Variants in MAGI1 observed in about 807,000 individuals in gnomAD.
The protein encoded by MAGI1 is membrane associated guanylate kinase, WW and PDZ domain containing 1.
MAGI1 carries 58 observed loss-of-function variants against 139.9 expected under a neutral mutation model. The observed-to-expected ratio is 0.41, with a 90% CI of 0.34 to 0.52. The LOEUF (loss-of-function observed/expected upper bound fraction) is 0.52. Ranked by LOEUF, MAGI1 falls within the 20% of genes least tolerant of loss-of-function variation. The pLI, the probability that MAGI1 is intolerant of heterozygous loss-of-function variation, is 0.12. For synonymous variants in MAGI1, 812 were observed against 737.9 expected, an observed-to-expected ratio of 1.10 and a Z score of -1.63; for missense variants, 1,874 against 1,901.6, an observed-to-expected ratio of 0.99 and a Z score of 0.27.
chr3:65,538,144 C>G (rs1190178108), intron 2 of MAGI1, among the ~76,000 whole-genome samples: 1 of 152,078 alleles, frequency 6.6e-6, no homozygotes, highest in Non-Finnish European at 1.5e-5. Context: ...TCAACAAAAA[C>G]AAAGACATAA....
chr3:65,460,137 G>A (rs950145205), intron 5 of MAGI1, among the ~76,000 whole-genome samples: 2 of 152,062 alleles, frequency 1.3e-5, no homozygotes, highest in African/African-American at 2.4e-5. Flanking sequence ...TGCTTTTTCT[G>A]CATCGATTCA....
chr3:65,806,935 G>C (rs2040897706), intron 1 of MAGI1, among the ~76,000 whole-genome samples: 1 of 152,142 alleles, frequency 6.6e-6, no homozygotes, highest in African/African-American at 2.4e-5. Flanking sequence ...TGACATAGTT[G>C]ATGATGATAA....
At chr3:65,804,472 A>G (rs56175697) in intron 1 of MAGI1, among the ~76,000 whole-genome samples, 33,458 of 151,566 alleles carry the variant, frequency 0.22, 3,942 homozygotes, top group East Asian at 0.42. Flanking sequence ...TGTTATACTG[A>G]TATAAATTAT....
chr3:65,517,837 T>C (rs950098910), intron 2 of MAGI1, among the ~76,000 whole-genome samples: 1 of 152,170 alleles, frequency 6.6e-6, no homozygotes, highest in African/African-American at 2.4e-5. Flanking sequence ...TTGTGTGACC[T>C]CAGAGCTCTC....
intron 1 of MAGI1, among the ~76,000 whole-genome samples, chr3:65,855,232 C>G (rs1363824732): frequency 6.6e-6 from 1 of 150,390 alleles, no homozygotes; most frequent in South Asian, 2.1e-4. Context: ...GAAAAAAAGG[C>G]CTGTGAAATG....
At chr3:65,999,301 G>T (rs927426964) in intron 1 of MAGI1, among the ~76,000 whole-genome samples, 29 of 152,130 alleles carry the variant, frequency 1.9e-4, no homozygotes, top group African/African-American at 6.5e-4. Flanking sequence ...AATTTAGGGG[G>T]ATAAGGAGAG....
intron 1 of MAGI1, among the ~76,000 whole-genome samples, chr3:65,976,474 AC>A (rs565183619): frequency 8.4e-4 from 128 of 152,204 alleles, no homozygotes; most frequent in South Asian, 2.5e-3. Flanking sequence ...TACTAAAAAT[AC>A]AAAAAATTAG....
intron 1 of MAGI1, among the ~76,000 whole-genome samples, chr3:65,734,910 C>T (rs868651738): frequency 8.8e-4 from 79 of 89,836 alleles, no homozygotes; most frequent in African/African-American, 3.3e-3. Flanking sequence ...AGGAAGAGAG[C>T]GGAGGGGAGG....
chr3:65,500,722 C>T (rs1434324852), intron 2 of MAGI1, among the ~76,000 whole-genome samples: 1 of 152,124 alleles, frequency 6.6e-6, no homozygotes, highest in Non-Finnish European at 1.5e-5. Context: ...AACAACTGTC[C>T]AAATGGTCTT....
intron 1 of MAGI1, among the ~76,000 whole-genome samples, chr3:65,950,431 G>C (rs1401300435): frequency 6.6e-6 from 1 of 152,094 alleles, no homozygotes; most frequent in Non-Finnish European, 1.5e-5. Context: ...GCCCAGGCTT[G>C]TACCCCGCCC....
intron 1 of MAGI1, among the ~76,000 whole-genome samples, chr3:66,017,041 T>C (rs183885634): frequency 1.3e-5 from 2 of 152,350 alleles, no homozygotes; most frequent in Non-Finnish European, 2.9e-5. Context: ...GAAAAAGTTC[T>C]GGAGATGGAT....
intron 5 of MAGI1, chr3:65,469,948 ATATT>A (rs1397677109): frequency 5.4e-5 from 8 of 147,624 alleles, no homozygotes; most frequent in South Asian, 4.2e-4. Context: ...ATATATTTAA[ATATT>A]TATTAAAATA....
intron 1 of MAGI1, among the ~76,000 whole-genome samples, chr3:65,799,585 T>C (rs1348942815): frequency 1.3e-5 from 2 of 152,186 alleles, no homozygotes; most frequent in Non-Finnish European, 2.9e-5. Flanking sequence ...TACATATGTA[T>C]GTATGGGGAA....
intron 1 of MAGI1, among the ~76,000 whole-genome samples, chr3:65,949,894 C>G (rs2063715157): frequency 6.6e-6 from 1 of 151,798 alleles, no homozygotes; most frequent in Non-Finnish European, 1.5e-5. Flanking sequence ...GCAAAAAATA[C>G]ATAAATTAGC....
chr3:65,956,416 G>A (rs2064130222), intron 1 of MAGI1, among the ~76,000 whole-genome samples: 1 of 152,144 alleles, frequency 6.6e-6, no homozygotes, highest in Non-Finnish European at 1.5e-5. Context: ...ATTCTGTAGG[G>A]TGAAGTCTAA....
chr3:65,424,814 G>A (rs13083269), intron 12 of MAGI1, among the ~76,000 whole-genome samples: 15,246 of 152,172 alleles, frequency 0.1, 1,837 homozygotes, highest in East Asian at 0.63. Context: ...AGAAGGGACC[G>A]TAGAGGCAGA....
Position 66,037,977 on chromosome 3 carries a change from A to G in MAGI1, c.313+19T>C. The G allele has an allele frequency of 6.5e-7, 1 of 1,529,810 alleles. No individual in the cohort carries two copies. The highest frequency in any genetic ancestry group is 1.4e-5 in the African/African-American group (1 of 72,170). The allele number at this position is 1,529,810 out of a possible 1,614,324, so 94.8% of individuals were successfully genotyped here. A position where few individuals can be genotyped will look rare whatever the true frequency, so the allele number is the denominator to read the frequency against. On this transcript the variant is annotated intron_variant, in intron 1 of 22. Transcript: ENST00000402939. ...CCTCCTTTTCTCGGGGCGCCCCCCA[A>G]AGGCGCGCCCTGCCTTACCTTGTCT...
At chr3:65,401,369 C>CCCA in intron 13 of MAGI1, 70 bp downstream of exon 13, 6 of 1,187,598 alleles carry the variant, frequency 5.1e-6, no homozygotes, top group East Asian at 2.6e-5. Flanking sequence ...ACACAGAGTA[C>CCCA]CCTCCCACCT....
Position 65,401,462 on chromosome 3 carries a change from C to T in MAGI1, c.2176G>A (p.Val726Ile). The change falls in exon 13 of 23, where the codon GTT becomes ATT. Residue 726 changes from valine to isoleucine, a missense_variant. Around this residue, in one of 5 missense-constraint regions of MAGI1, gnomAD observed 482 missense variants for 509.6 expected, o/e 0.95. Coordinates refer to ENST00000402939, the MANE Select transcript of MAGI1 (RefSeq NM_001033057.2). ...ACCGACTTTGGGCTCTTCTTGGGAACTGGCAGCCCTGGAAAAAATGCAACA... is the reference window on the plus strand; with the variant it reads ...ACCGACTTTGGGCTCTTCTTGGGAATTGGCAGCCCTGGAAAAAATGCAACA... ...TLLVQRGGLP[V>I]PKKSPKSQPL... The T allele has an allele frequency of 3.1e-6, 5 of 1,601,454 alleles. No individual in the cohort carries two copies. Among genetic ancestry groups the T allele is most frequent in the Non-Finnish European group, 4.3e-6 (5 of 1,173,978 alleles).
Sources: allele counts gnomAD v4.1 joint callset (sites outside exome capture counted in the v4.1 genomes callset), GRCh38; gene constraint gnomAD v4.1.1; regional missense constraint gnomAD v4.1.1; transcripts MANE v1.5; gene names NCBI Gene and HGNC (gene_info 2026-07-23, HGNC 2026-07-21).